MACROD2: variants seen among roughly 807,000 people sequenced by gnomAD.
MACROD2 encodes the protein mono-ADP ribosylhydrolase 2, also known as ADP-ribose glycohydrolase MACROD2.
Under a neutral mutation model 70.4 loss-of-function variants are expected in MACROD2, and 36 were observed. That is an observed-to-expected ratio of 0.51 (90% CI 0.39 to 0.68). The LOEUF (loss-of-function observed/expected upper bound fraction) is 0.68. Ranked by LOEUF, MACROD2 falls within the 30% of genes least tolerant of loss-of-function variation. The pLI is 0.00. For synonymous variants in MACROD2, 172 were observed against 178.8 expected (o/e 0.96, Z 0.30); for missense variants, 496 against 538.4 (o/e 0.92, Z 0.78).
intron 2 of MACROD2, among the ~76,000 whole-genome samples, chr20:14,007,838 C>T (rs1279749393): frequency 6.6e-6 from 1 of 151,992 alleles, no homozygotes; most frequent in Non-Finnish European, 1.5e-5. Context: ...GCAGCTATGG[C>T]TATAAGTTTA....
intron 10 of MACROD2, among the ~76,000 whole-genome samples, chr20:15,913,588 A>T (rs1408380844): frequency 6.6e-6 from 1 of 152,194 alleles, no homozygotes; most frequent in East Asian, 1.9e-4. Flanking sequence ...AACATACATA[A>T]GTTTGGAATG....
chr20:14,751,612 G>A (rs1016559976), intron 5 of MACROD2, among the ~76,000 whole-genome samples: 3 of 152,142 alleles, frequency 2.0e-5, no homozygotes, highest in Non-Finnish European at 2.9e-5. Context: ...CTGTGAGTTC[G>A]CTCCACCCTT....
At chr20:14,848,292 A>G (rs1320300618) in intron 5 of MACROD2, among the ~76,000 whole-genome samples, 1 of 151,956 alleles carries the variant, frequency 6.6e-6, no homozygotes, top group East Asian at 1.9e-4. Flanking sequence ...GCATACATAT[A>G]CTCTTGGATA....
intron 4 of MACROD2, chr20:14,636,520 A>G (rs979842015): frequency 2.6e-5 from 4 of 152,058 alleles, no homozygotes; most frequent in Non-Finnish European, 5.9e-5. Flanking sequence ...CAATGTTGAG[A>G]CACGAAAGGC....
chr20:15,745,371 A>C (rs139967203), intron 8 of MACROD2, among the ~76,000 whole-genome samples: 19 of 152,152 alleles, frequency 1.2e-4, no homozygotes, highest in Admixed American at 3.3e-4. Context: ...GAAGCCAAGC[A>C]TTTTTCTGGA....
intron 3 of MACROD2, among the ~76,000 whole-genome samples, chr20:14,402,345 A>T (rs996731919): frequency 6.6e-6 from 1 of 152,186 alleles, no homozygotes; most frequent in African/African-American, 2.4e-5. Flanking sequence ...AATTGTATTT[A>T]TCCCATTCAT....
At chr20:15,552,071 G>A (rs2048107116) in intron 8 of MACROD2, 1 of 152,010 alleles carries the variant, frequency 6.6e-6, no homozygotes, top group Non-Finnish European at 1.5e-5. Flanking sequence ...GAATTAATTA[G>A]AGCTAGGGAA....
At chr20:14,354,404 C>T (rs188377899) in intron 3 of MACROD2, among the ~76,000 whole-genome samples, 1 of 152,022 alleles carries the variant, frequency 6.6e-6, no homozygotes, top group Admixed American at 6.5e-5. Flanking sequence ...ATTCGAAGAA[C>T]CATTTTTTAT....
chr20:14,048,894 GC>G (rs1298836992), intron 2 of MACROD2, among the ~76,000 whole-genome samples: 2 of 152,250 alleles, frequency 1.3e-5, no homozygotes, highest in African/African-American at 4.8e-5. Context: ...AGAAATGACA[GC>G]TGAGAAATAA....
intron 3 of MACROD2, among the ~76,000 whole-genome samples, chr20:14,264,172 T>C (rs1031545495): frequency 5.6e-3 from 6 of 1,070 alleles, no homozygotes; most frequent in African/African-American, 0.046. Flanking sequence ...GACAAGAAGT[T>C]GCTATAGCAC....
intron 8 of MACROD2, among the ~76,000 whole-genome samples, chr20:15,558,400 GTAATAGCGGGTTTTGC>G (rs1285963100): frequency 1.3e-5 from 2 of 152,294 alleles, no homozygotes; most frequent in East Asian, 3.9e-4. Flanking sequence ...TGTTGCAAAA[GTAATAGCGGGTTTTGC>G]TATTACTTTC....
At chr20:15,123,779 A>G (rs1421560849) in intron 5 of MACROD2, among the ~76,000 whole-genome samples, 1 of 152,168 alleles carries the variant, frequency 6.6e-6, no homozygotes, top group Non-Finnish European at 1.5e-5. Flanking sequence ...AAAGATTTCT[A>G]ATCAATGCTT....
At chr20:14,741,333 A>G (rs1188461256) in intron 5 of MACROD2, among the ~76,000 whole-genome samples, 1 of 152,114 alleles carries the variant, frequency 6.6e-6, no homozygotes, top group Non-Finnish European at 1.5e-5. Context: ...AAGCAGTAAT[A>G]TTTTTTAATT....
intron 5 of MACROD2, among the ~76,000 whole-genome samples, chr20:14,907,768 G>T (rs1208856399): frequency 6.6e-6 from 1 of 152,092 alleles, no homozygotes; most frequent in Non-Finnish European, 1.5e-5. Flanking sequence ...ATGATAAAGG[G>T]CTTTTCATGT....
At chr20:15,618,081 A>T (rs1568931705) in intron 8 of MACROD2, among the ~76,000 whole-genome samples, 1 of 138,436 alleles carries the variant, frequency 7.2e-6, no homozygotes, top group Admixed American at 7.3e-5. Context: ...TGTCTCTAGA[A>T]GGCCATCATT....
intron 3 of MACROD2, among the ~76,000 whole-genome samples, chr20:14,342,223 G>A (rs964095942): frequency 6.6e-6 from 1 of 152,116 alleles, no homozygotes; most frequent in African/African-American, 2.4e-5. Flanking sequence ...AGGAAAATGG[G>A]GTACTCTTAG....
intron 8 of MACROD2, among the ~76,000 whole-genome samples, chr20:15,791,660 G>C (rs1188036332): frequency 6.6e-6 from 1 of 151,950 alleles, no homozygotes; most frequent in African/African-American, 2.4e-5. Flanking sequence ...AATACAATGG[G>C]AGAAATAATC....
chr20:15,553,001 G>C (rs1252154490), intron 8 of MACROD2: 1 of 152,188 alleles, frequency 6.6e-6, no homozygotes, highest in Non-Finnish European at 1.5e-5. Context: ...CTCAAACTAA[G>C]ACAATTACAA....
intron 5 of MACROD2, among the ~76,000 whole-genome samples, chr20:15,126,988 T>G (rs1183341408): frequency 6.6e-6 from 1 of 152,106 alleles, no homozygotes; most frequent in Non-Finnish European, 1.5e-5. Context: ...TTTTTTTAGT[T>G]TTATTATTGT....
Sources: allele counts gnomAD v4.1 joint callset (sites outside exome capture counted in the v4.1 genomes callset), GRCh38; gene constraint gnomAD v4.1.1; transcripts MANE v1.5; gene names NCBI Gene and HGNC (gene_info 2026-07-23, HGNC 2026-07-21).